Variants in PTPRN2 observed in about 807,000 individuals in gnomAD.
PTPRN2 encodes protein tyrosine phosphatase receptor type N2.
A neutral mutation model predicts 118.8 loss-of-function variants in PTPRN2; 74 were observed. The ratio of observed to expected loss-of-function variants is 0.62; its 90% CI spans 0.52 to 0.76. The LOEUF (loss-of-function observed/expected upper bound fraction) is 0.76. PTPRN2 is among the 30% of genes least tolerant of loss of function. The pLI, the probability that PTPRN2 is intolerant of heterozygous loss-of-function variation, is 0.00. For synonymous variants in PTPRN2, 641 were observed against 608.0 expected, an observed-to-expected ratio of 1.05 and a Z score of -0.80; for missense variants, 1,481 against 1,394.4, an observed-to-expected ratio of 1.06 and a Z score of -0.99.
At chr7:158,005,075 ATTT>A (rs67167916) in intron 11 of PTPRN2, among the ~76,000 whole-genome samples, 1 of 140,282 alleles carries the variant, frequency 7.1e-6, no homozygotes. Context: ...TGTGGCCACT[ATTT>A]TTTTTTTTTT....
chr7:157,814,330 C>T lies in PTPRN2; in HGVS notation c.1788+84343G>A, dbSNP rs560378807. On this transcript the variant is annotated intron_variant, in intron 12 of 22. Transcript: ENST00000389418. ...CAGAGAGCTCCCCCGGAGAAGGCCA[C>T]GTCCACGGTGCCGCCTGACAGCAAT... 7.2e-5 allele frequency among the ~76,000 whole-genome samples: 11 copies of T among 152,262 alleles called. 2 individuals carry two copies. The highest frequency in any genetic ancestry group is 2.9e-5 in the Non-Finnish European group (2 of 68,026).
chr7:157,882,257 G>A (rs56230928), intron 12 of PTPRN2, among the ~76,000 whole-genome samples: 2,941 of 141,518 alleles, frequency 0.021, 80 homozygotes, highest in African/African-American at 0.069. Flanking sequence ...AACAGAACAC[G>A]CCACCCCAAA....
At chr7:158,418,024 C>T (rs113217667) in intron 2 of PTPRN2, among the ~76,000 whole-genome samples, 6 of 148,252 alleles carry the variant, frequency 4.0e-5, no homozygotes, top group African/African-American at 1.3e-4. Context: ...TGCTCTAGCT[C>T]TCAGTGTCCC....
chr7:158,514,406 A>G (rs1213053970), intron 1 of PTPRN2, among the ~76,000 whole-genome samples: 1 of 152,226 alleles, frequency 6.6e-6, no homozygotes, highest in Non-Finnish European at 1.5e-5. Flanking sequence ...TGGGCTGCCC[A>G]GTCCCTGAAC....
At chr7:157,542,765 A>C (rs1235941564) in intron 22 of PTPRN2, among the ~76,000 whole-genome samples, 2 of 152,164 alleles carry the variant, frequency 1.3e-5, no homozygotes, top group Non-Finnish European at 2.9e-5. Flanking sequence ...TCAAAGGAGA[A>C]GCTCCACCGG....
chr7:158,207,525 G>A (rs1202710843), intron 3 of PTPRN2, among the ~76,000 whole-genome samples: 1 of 151,922 alleles, frequency 6.6e-6, no homozygotes, highest in Non-Finnish European at 1.5e-5. Context: ...CTACAAAATG[G>A]GAGAAAATTT....
chr7:158,368,591 T>C (rs1232152552), intron 2 of PTPRN2, among the ~76,000 whole-genome samples: 3 of 152,072 alleles, frequency 2.0e-5, no homozygotes, highest in African/African-American at 7.2e-5. Flanking sequence ...AAATGAGAAA[T>C]GACAGGTGTG....
At chr7:157,742,485 T>G (rs79140310) in intron 12 of PTPRN2, among the ~76,000 whole-genome samples, 16,973 of 134,376 alleles carry the variant, frequency 0.13, 1,241 homozygotes, top group Non-Finnish European at 0.18. Context: ...CTGACTTCTG[T>G]TTTTTTTTTT....
intron 6 of PTPRN2, among the ~76,000 whole-genome samples, chr7:158,149,805 A>G (rs1370459088): frequency 8.1e-6 from 1 of 122,938 alleles, no homozygotes; most frequent in Non-Finnish European, 1.7e-5. Flanking sequence ...GTCCATCTCA[A>G]AAAAAAAAAA....
chr7:158,019,400 C>T (rs774798823), intron 11 of PTPRN2, among the ~76,000 whole-genome samples: 16 of 152,240 alleles, frequency 1.1e-4, no homozygotes, highest in African/African-American at 2.2e-4. Context: ...GTGTTTCTGA[C>T]GCCGCCTCTC....
At chr7:158,336,421 A>G (rs1178293320) in intron 2 of PTPRN2, among the ~76,000 whole-genome samples, 7 of 127,946 alleles carry the variant, frequency 5.5e-5, no homozygotes, top group African/African-American at 2.0e-4. Flanking sequence ...ATAATTGGTG[A>G]CACCTGCAGA....
At chr7:157,982,295 G>GT (rs1563296248) in intron 11 of PTPRN2, among the ~76,000 whole-genome samples, 1 of 42,290 alleles carries the variant, frequency 2.4e-5, no homozygotes, top group South Asian at 1.1e-3. Context: ...AGAGTGCAGG[G>GT]TCCCCCCAAA....
chr7:157,590,647 C>G lies in PTPRN2; in HGVS notation c.2496+4591G>C, dbSNP rs1273331137. ...ACGGACAGAGGTGCTGTGGGCCCTG[C>G]GGGACGGGGAGCTGATGGGGCCTCG... On this transcript the variant is annotated intron_variant, in intron 17 of 22. Coordinates refer to ENST00000389418, the MANE Select transcript of PTPRN2 (RefSeq NM_002847.5). The surrounding 1 kb of genome is among the most constrained non-coding windows in gnomAD (Gnocchi z 4.0). Among the ~76,000 whole-genome samples, 2 of 151,876 alleles carry G rather than the reference C, an allele frequency of 1.3e-5. No homozygotes were observed. Among genetic ancestry groups the G allele is most frequent in the Admixed American group, 1.3e-4 (2 of 15,164 alleles).
chr7:158,391,681 C>T (rs983537194), intron 2 of PTPRN2, among the ~76,000 whole-genome samples: 1 of 152,226 alleles, frequency 6.6e-6, no homozygotes, highest in Non-Finnish European at 1.5e-5. Flanking sequence ...TGGAGTCCCA[C>T]CCCAGCCCCT....
At chr7:157,897,290 G>A (rs954648989) in intron 12 of PTPRN2, among the ~76,000 whole-genome samples, 2 of 152,054 alleles carry the variant, frequency 1.3e-5, no homozygotes, top group African/African-American at 4.8e-5. Flanking sequence ...CTCACGGCCC[G>A]GTCACAGCCA....
chr7:157,966,426 C>G lies in PTPRN2; in HGVS notation c.1724-67689G>C, dbSNP rs551744548. ...ACCATCATCGCCATCTTTATCATCA[C>G]CTTTATCTTTATTATCACCATCAAC... On this transcript the variant is annotated intron_variant, in intron 11 of 22. Transcript: ENST00000389418. Among the ~76,000 whole-genome samples the G allele has an allele frequency of 5.1e-4, 78 of 151,810 alleles. No homozygotes were observed. In the South Asian group the frequency reaches 0.016, roughly 31 times the overall value.
At chr7:157,766,236 C>T (rs902586849) in intron 12 of PTPRN2, among the ~76,000 whole-genome samples, 1 of 150,050 alleles carries the variant, frequency 6.7e-6, no homozygotes, top group Middle Eastern at 3.3e-3. Context: ...TCCATCCATC[C>T]AACCATCCAT....
chr7:158,182,444 A>G (rs1398050012), intron 5 of PTPRN2, among the ~76,000 whole-genome samples: 3 of 151,944 alleles, frequency 2.0e-5, no homozygotes, highest in African/African-American at 4.8e-5. Flanking sequence ...TGCTGCACCT[A>G]TTGACTTGTC....
intron 5 of PTPRN2, among the ~76,000 whole-genome samples, chr7:158,183,701 A>T (rs1235520934): frequency 6.6e-6 from 1 of 152,202 alleles, no homozygotes; most frequent in Non-Finnish European, 1.5e-5. Flanking sequence ...CATGGGCTGA[A>T]TTCTCCAGTG....
Sources: allele counts gnomAD v4.1 joint callset (sites outside exome capture counted in the v4.1 genomes callset), GRCh38; gene constraint gnomAD v4.1.1; non-coding constraint Gnocchi (gnomAD v3.1); transcripts MANE v1.5; gene names NCBI Gene and HGNC (gene_info 2026-07-23, HGNC 2026-07-21).